GPR89B: variants seen among roughly 807,000 people sequenced by gnomAD.
GPR89B encodes the protein G protein-coupled receptor 89B.
GPR89B carries 25 observed loss-of-function variants against 52.4 expected under a neutral mutation model. The observed-to-expected ratio is 0.48, with a 90% CI of 0.35 to 0.67. The LOEUF (loss-of-function observed/expected upper bound fraction) is 0.67. GPR89B is among the 30% of genes least tolerant of loss of function. The probability of loss-of-function intolerance (pLI) is 0.01; values close to 1 mark genes in which losing one functional copy is unlikely to be tolerated. For missense variants in GPR89B, 146 were observed against 450.2 expected (o/e 0.32, Z 6.11); for synonymous variants, 52 against 151.2 (o/e 0.34, Z 4.81).
the GPR89B span, among the ~76,000 whole-genome samples, chr1:148,015,549 C>T: frequency 2.7e-5 from 4 of 145,910 alleles, no homozygotes; most frequent in African/African-American, 1.0e-4. Flanking sequence ...CTCCTGACCT[C>T]GTGATGCACC....
intron 5 of GPR89B, among the ~76,000 whole-genome samples, chr1:147,950,488 G>A (rs1169714330): frequency 2.0e-5 from 3 of 151,654 alleles, no homozygotes; most frequent in South Asian, 2.1e-4. Flanking sequence ...CGTCCCAGAC[G>A]ATGGGCGGCC....
Position 147,991,764 on chromosome 1 carries a change from T to G in GPR89B, c.1096-738T>G, listed in dbSNP as rs1411838021. ...TGGATTATGTTTATTGATTTGCATA[T>G]GTTGAACCAGCCTTGCATCCCAGGG... On this transcript the variant is annotated intron_variant, in intron 12 of 13. Coordinates refer to ENST00000314163, the MANE Select transcript of GPR89B (RefSeq NM_016334.5). Among the ~76,000 whole-genome samples the G allele has an allele frequency of 4.3e-3, 661 of 152,358 alleles. 6 individuals are homozygous for G. The highest frequency in any genetic ancestry group is 6.4e-3 in the Admixed American group (98 of 15,302).
intron 7 of GPR89B, among the ~76,000 whole-genome samples, chr1:147,962,002 C>A (rs1656609460): frequency 6.6e-6 from 1 of 151,848 alleles, no homozygotes; most frequent in Non-Finnish European, 1.5e-5. Flanking sequence ...ATAGTTAATA[C>A]AATTTTTAAA....
the GPR89B span, among the ~76,000 whole-genome samples, chr1:148,017,033 C>T: frequency 1.3e-5 from 2 of 151,736 alleles, no homozygotes; most frequent in East Asian, 3.9e-4. Flanking sequence ...TGCTTGCTTT[C>T]TATCTTTCTT....
At chr1:147,983,781 G>T (rs1184828470) in intron 10 of GPR89B, among the ~76,000 whole-genome samples, 1 of 151,902 alleles carries the variant, frequency 6.6e-6, no homozygotes, top group Non-Finnish European at 1.5e-5. Context: ...ATTCTTCAGG[G>T]ATCTAGAACT....
intron 1 of GPR89B, among the ~76,000 whole-genome samples, chr1:147,936,010 A>G (rs1654051381): frequency 6.6e-6 from 1 of 151,686 alleles, no homozygotes; most frequent in African/African-American, 2.4e-5. Context: ...AGCAAGTCTC[A>G]CTCTGACACC....
the GPR89B span, among the ~76,000 whole-genome samples, chr1:148,002,608 T>C: frequency 6.6e-6 from 1 of 152,150 alleles, no homozygotes; most frequent in African/African-American, 2.4e-5. Context: ...AATTGAGATG[T>C]GCAAAGCCCC....
chr1:148,010,147 T>A, the GPR89B span: 1 of 152,296 alleles, frequency 6.6e-6, no homozygotes, highest in Non-Finnish European at 1.5e-5. Context: ...ACAGATGTCT[T>A]TGGAAAACAG....
At chr1:147,994,796 T>C (rs1659276368), downstream of GPR89B, among the ~76,000 whole-genome samples, 1 of 151,920 alleles carries the variant, frequency 6.6e-6, no homozygotes, top group Non-Finnish European at 1.5e-5. Context: ...GCATTGTGTG[T>C]GTTCATTAAA....
At chr1:148,010,350 AGCTCTGG>A in the GPR89B span, 2 of 152,198 alleles carry the variant, frequency 1.3e-5, no homozygotes, top group African/African-American at 4.8e-5. Flanking sequence ...TGAGGAGAAA[AGCTCTGG>A]GTCCCTGGAA....
At chr1:147,998,797 C>T in the GPR89B span, among the ~76,000 whole-genome samples, 1 of 149,536 alleles carries the variant, frequency 6.7e-6, no homozygotes, top group Non-Finnish European at 1.5e-5. Context: ...AGGAGACTCA[C>T]TTGAACCTGG....
At chr1:148,020,603 GA>G in the GPR89B span, among the ~76,000 whole-genome samples, 1 of 150,776 alleles carries the variant, frequency 6.6e-6, no homozygotes, top group Non-Finnish European at 1.5e-5. Flanking sequence ...CGCTAATAAA[GA>G]AAAAAAAGGA....
chr1:147,933,810 C>A (rs1409368227), intron 1 of GPR89B, among the ~76,000 whole-genome samples: 1 of 152,168 alleles, frequency 6.6e-6, no homozygotes, highest in Admixed American at 6.5e-5. Flanking sequence ...TAATGTTTCT[C>A]TTTCTACACT....
At chr1:147,940,796 TAAA>T in intron 3 of GPR89B, among the ~76,000 whole-genome samples, 1 of 151,822 alleles carries the variant, frequency 6.6e-6, no homozygotes, top group Non-Finnish European at 1.5e-5. Context: ...TCAGATATTC[TAAA>T]GCTATATTTA....
chr1:147,949,519 G>A (rs1553250465), intron 5 of GPR89B, among the ~76,000 whole-genome samples: 1 of 125,264 alleles, frequency 8.0e-6, no homozygotes, highest in African/African-American at 3.4e-5. Flanking sequence ...CAGTAGGGGC[G>A]GCCGGGCAGA....
chr1:147,953,019 T>A (rs1472939298), intron 5 of GPR89B, among the ~76,000 whole-genome samples: 1 of 150,506 alleles, frequency 6.6e-6, no homozygotes, highest in Non-Finnish European at 1.5e-5. Context: ...TTTTGGCCGA[T>A]GCTTTTACTA....
At chr1:148,017,775 T>TAAAATA in the GPR89B span, among the ~76,000 whole-genome samples, 2 of 150,716 alleles carry the variant, frequency 1.3e-5, no homozygotes, top group South Asian at 4.2e-4. Flanking sequence ...TAAAATAAAA[T>TAAAATA]AAAGTTAACA....
the GPR89B span, chr1:148,010,124 A>G: frequency 6.5e-6 from 1 of 154,602 alleles, no homozygotes; most frequent in Non-Finnish European, 1.4e-5. Flanking sequence ...GGAATGTTCT[A>G]TAATAGGCTT....
chr1:148,009,041 C>T, the GPR89B span, among the ~76,000 whole-genome samples: 1 of 152,306 alleles, frequency 6.6e-6, no homozygotes, highest in African/African-American at 2.4e-5. Context: ...AAGCATCAAC[C>T]CTCTGGCCCC....
Sources: gnomAD v4.1 joint callset for allele counts (sites outside exome capture counted in the v4.1 genomes callset) on GRCh38, gnomAD v4.1.1 for gene constraint, MANE v1.5 for transcripts, NCBI Gene and HGNC (gene_info 2026-07-23, HGNC 2026-07-21) for gene names.